Variants in GRIN2A observed in about 807,000 individuals in gnomAD.
GRIN2A encodes glutamate receptor ionotropic, NMDA 2A.
GRIN2A carries 22 observed loss-of-function variants against 113.4 expected under a neutral mutation model. That is an observed-to-expected ratio of 0.19 (90% CI 0.14 to 0.28). The LOEUF is 0.28. Ranked by LOEUF, GRIN2A falls within the 10% of genes least tolerant of loss-of-function variation. The pLI is 1.00. For missense variants in GRIN2A, 1,502 were observed against 1,887.0 expected (o/e 0.80, Z 3.78); for synonymous variants, 827 against 738.4 (o/e 1.12, Z -1.94).
At chr16:9,798,612 G>A (rs1232795624) in intron 10 of GRIN2A, 148 bp from the exon 11 acceptor site, 9 of 624,296 alleles carry the variant, frequency 1.4e-5, no homozygotes, top group Non-Finnish European at 2.5e-5. Context: ...CATCATAAAA[G>A]GATCTATTTT....
chr16:9,851,432 T>C (rs1005035230), intron 4 of GRIN2A, among the ~76,000 whole-genome samples: 3 of 152,216 alleles, frequency 2.0e-5, no homozygotes, highest in African/African-American at 7.2e-5. Context: ...ATTGAAGACC[T>C]ACGATGTCCC....
chr16:10,049,212 G>C (rs936724290), intron 2 of GRIN2A, among the ~76,000 whole-genome samples: 11 of 152,162 alleles, frequency 7.2e-5, no homozygotes, highest in African/African-American at 2.7e-4. Flanking sequence ...ATGGTGAGAT[G>C]ACAATGAAGA....
At chr16:10,059,639 A>G (rs1567269313) in intron 2 of GRIN2A, among the ~76,000 whole-genome samples, 1 of 152,066 alleles carries the variant, frequency 6.6e-6, no homozygotes, top group Non-Finnish European at 1.5e-5. Flanking sequence ...GTCTTAAACA[A>G]CAGAGGAAGG....
At chr16:10,176,842 GTAAAAA>G (rs1024817599) in intron 2 of GRIN2A, among the ~76,000 whole-genome samples, 60 of 151,946 alleles carry the variant, frequency 3.9e-4, no homozygotes, top group African/African-American at 1.4e-3. Flanking sequence ...AGAACTTAAA[GTAAAAA>G]TAAAAATAAA....
At position 9,759,858 on chromosome 16, in the gene GRIN2A, G is replaced by T; in HGVS notation, c.*3291C>A. On this transcript the variant is annotated 3_prime_UTR_variant, in exon 13 of 13. Coordinates refer to ENST00000330684, the MANE Select transcript of GRIN2A (RefSeq NM_001134407.3). ...AAGAACCTGCAGATGTAAGGATGAT[G>T]AAACCCATTTTCCAGAAGCACAAAG... is the stretch of plus-strand genomic sequence containing the variant. 4.3e-6 allele frequency: 1 copy of T among 230,018 alleles called. No individual in the cohort carries two copies. Among genetic ancestry groups the T allele is most frequent in the Non-Finnish European group, 8.6e-6 (1 of 116,038 alleles). 14.2% of individuals were successfully genotyped at this position (230,018 alleles called of 1,614,324 possible).
chr16:10,079,196 C>T (rs2352744), intron 2 of GRIN2A, among the ~76,000 whole-genome samples: 46 of 152,000 alleles, frequency 3.0e-4, no homozygotes, highest in African/African-American at 1.1e-3. Flanking sequence ...CTAGTAGGGA[C>T]TGGAGGAGAG....
Position 9,757,712 on chromosome 16 carries a change from C to T in GRIN2A, c.*5437G>A, listed in dbSNP as rs1900411626. 1 of 216,608 alleles carries T rather than the reference C, an allele frequency of 4.6e-6. No individual in the cohort carries two copies. Among genetic ancestry groups the T allele is most frequent in the Middle Eastern group, 1.4e-3 (1 of 708 alleles). The allele number at this position is 216,608 out of a possible 1,614,324, so 13.4% of individuals were successfully genotyped here. ...ATGGTCACTGCCAGCCTTTTATCTT[C>T]AGTTTGAGGTTTTAAACAATATCCC... On this transcript the variant is annotated 3_prime_UTR_variant, in exon 13 of 13. Coordinates refer to ENST00000330684, the MANE Select transcript of GRIN2A (RefSeq NM_001134407.3).
intron 2 of GRIN2A, among the ~76,000 whole-genome samples, chr16:10,123,392 G>A (rs1220420791): frequency 1.3e-5 from 2 of 151,896 alleles, no homozygotes; most frequent in Admixed American, 6.6e-5. Context: ...TATTTTTGTT[G>A]AAAATACTAA....
intron 2 of GRIN2A, among the ~76,000 whole-genome samples, chr16:10,145,742 C>T (rs772582101): frequency 6.6e-6 from 1 of 152,142 alleles, no homozygotes; most frequent in Non-Finnish European, 1.5e-5. Context: ...GCCATATGGT[C>T]GCCATAGCAA....
chr16:10,125,815 G>T (rs1022710583), intron 2 of GRIN2A, among the ~76,000 whole-genome samples: 1 of 151,944 alleles, frequency 6.6e-6, no homozygotes, highest in Non-Finnish European at 1.5e-5. Context: ...AGAGAGCTGG[G>T]GGTAAAGGCT....
chr16:10,040,707 TACAC>T lies in GRIN2A; in HGVS notation c.415-102160_415-102157del, dbSNP rs1260031132. ...CAAACCTACACATTCACACCACACATACACACACCATAGGCACACTGCACACACT... is the reference window on the plus strand; with the variant it reads ...CAAACCTACACATTCACACCACACATACACCATAGGCACACTGCACACACT... On this transcript the variant is annotated intron_variant, in intron 2 of 12. Coordinates refer to ENST00000330684, the MANE Select transcript of GRIN2A (RefSeq NM_001134407.3). Among the ~76,000 whole-genome samples the T allele has an allele frequency of 2.6e-5, 4 of 151,844 alleles. No homozygotes were observed. In the East Asian group the frequency reaches 7.7e-4, roughly 29 times the overall value.
chr16:10,117,314 C>G (rs144624158), intron 2 of GRIN2A, among the ~76,000 whole-genome samples: 4 of 152,006 alleles, frequency 2.6e-5, no homozygotes, highest in African/African-American at 9.7e-5. Flanking sequence ...TCTTTAGAGA[C>G]GCATATTGAA....
At chr16:9,808,766 G>C (rs1330360580) in intron 10 of GRIN2A, among the ~76,000 whole-genome samples, 1 of 152,104 alleles carries the variant, frequency 6.6e-6, no homozygotes, top group Admixed American at 6.6e-5. Flanking sequence ...GACTACGTAA[G>C]TTTGAAGGCT....
chr16:10,073,148 G>T (rs1184222963), intron 2 of GRIN2A, among the ~76,000 whole-genome samples: 1 of 151,868 alleles, frequency 6.6e-6, no homozygotes, highest in East Asian at 1.9e-4. Context: ...TAGAGATGGG[G>T]TTTCACCATG....
chr16:9,899,823 C>A (rs2043882189), intron 3 of GRIN2A, among the ~76,000 whole-genome samples: 1 of 152,170 alleles, frequency 6.6e-6, no homozygotes, highest in South Asian at 2.1e-4. Flanking sequence ...GCATAGGTCT[C>A]TAGGATCCTG....
intron 2 of GRIN2A, among the ~76,000 whole-genome samples, chr16:10,118,981 G>C (rs1228686839): frequency 6.6e-6 from 1 of 152,190 alleles, no homozygotes; most frequent in Non-Finnish European, 1.5e-5. Context: ...AAAAGACAGT[G>C]AGATTTAGGG....
At chr16:10,022,318 C>T (rs970176806) in intron 2 of GRIN2A, among the ~76,000 whole-genome samples, 3 of 151,936 alleles carry the variant, frequency 2.0e-5, no homozygotes, top group East Asian at 1.9e-4. Flanking sequence ...CATATTCACA[C>T]ACACACGCAC....
In GRIN2A at chr16:9,762,915, G is replaced by T; in HGVS notation, c.*234C>A. The T allele has an allele frequency of 1.7e-6, 1 of 586,350 alleles. No individual in the cohort carries two copies. The highest frequency in any genetic ancestry group is 2.8e-5 in the East Asian group (1 of 35,572). 36.3% of individuals were successfully genotyped at this position (586,350 alleles called of 1,614,324 possible). On this transcript the variant is annotated 3_prime_UTR_variant, in exon 13 of 13. Transcript: ENST00000330684. ...GCCCTTATGTAGTTAGTTATTTTTG[G>T]TTAAGGACTCACCTATCTGGTGTCT...
At position 10,111,600 on chromosome 16, in the gene GRIN2A, G is replaced by C; in HGVS notation, c.414+68398C>G. 5 of 1,114,000 alleles carry C rather than the reference G, an allele frequency of 4.5e-6. No homozygotes were observed. The South Asian group carries it at 6.2e-5, about 14-fold the overall frequency. 69.0% of individuals were successfully genotyped at this position (1,114,000 alleles called of 1,614,324 possible). A position where few individuals can be genotyped will look rare whatever the true frequency, so the allele number is the denominator to read the frequency against. On this transcript the variant is annotated intron_variant, in intron 2 of 12. Coordinates refer to ENST00000330684, the MANE Select transcript of GRIN2A (RefSeq NM_001134407.3). ...TGATCTCTTCCCCTATGGACACTGA[G>C]ACAGAGGCCGACATGGCCATCGCGA...
Sources: gnomAD v4.1 joint callset for allele counts (sites outside exome capture counted in the v4.1 genomes callset) on GRCh38, gnomAD v4.1.1 for gene constraint, MANE v1.5 for transcripts, NCBI Gene and HGNC (gene_info 2026-07-23, HGNC 2026-07-21) for gene names.